Variants in PHF24 observed in about 807,000 individuals in gnomAD.
PHF24 encodes PHD finger protein 24.
In PHF24, 25 loss-of-function variants were observed where a neutral mutation model predicts 42.6. The observed-to-expected ratio is 0.59, with a 90% CI of 0.43 to 0.82. The LOEUF (loss-of-function observed/expected upper bound fraction) is 0.82, where lower values mean the gene tolerates loss of function less well. PHF24 is among the 40% of genes least tolerant of loss of function. The pLI, the probability that PHF24 is intolerant of heterozygous loss-of-function variation, is 0.00. For missense variants in PHF24, 470 were observed against 538.1 expected (o/e 0.87, Z 1.25); for synonymous variants, 185 against 204.8 (o/e 0.90, Z 0.83).
At chr9:34,982,212 T>C (rs2132954348) in exon 8 of PHF24, 2 of 152,344 alleles carry the variant, frequency 1.3e-5, no homozygotes, top group Middle Eastern at 6.8e-3. Context: ...TTCATAGCCA[T>C]GGTGACACAA....
the PHF24 span, among the ~76,000 whole-genome samples, chr9:34,761,696 A>G: frequency 6.6e-6 from 1 of 152,002 alleles, no homozygotes; most frequent in African/African-American, 2.4e-5. Context: ...TGATTTTTTT[A>G]AATTTTATTA....
the PHF24 span, among the ~76,000 whole-genome samples, chr9:34,671,459 G>A: frequency 4.6e-5 from 7 of 152,234 alleles, no homozygotes; most frequent in African/African-American, 1.7e-4. Context: ...TGCCTATGCT[G>A]CACTTGCACT....
chr9:34,827,755 C>T, the PHF24 span, among the ~76,000 whole-genome samples: 15 of 152,166 alleles, frequency 9.9e-5, no homozygotes, highest in Non-Finnish European at 5.9e-5. Context: ...CGATGTCCCT[C>T]CCATCTTCTC....
chr9:34,966,446 G>T (rs2132876476), intron 1 of PHF24, among the ~76,000 whole-genome samples: 2 of 152,012 alleles, frequency 1.3e-5, no homozygotes, highest in South Asian at 4.2e-4. Context: ...AAATTAGCAC[G>T]ACCTGTAGCC....
the PHF24 span, among the ~76,000 whole-genome samples, chr9:34,950,828 T>C: frequency 6.6e-6 from 1 of 152,088 alleles, no homozygotes; most frequent in East Asian, 1.9e-4. Context: ...AAAGGTAAAG[T>C]AGAGTTTAAC....
At chr9:34,814,671 A>G in the PHF24 span, among the ~76,000 whole-genome samples, 3 of 152,176 alleles carry the variant, frequency 2.0e-5, no homozygotes, top group Non-Finnish European at 2.9e-5. Flanking sequence ...GGAGTCTTGG[A>G]TCTTCTGCCA....
At chr9:34,815,098 C>T in the PHF24 span, among the ~76,000 whole-genome samples, 17 of 152,280 alleles carry the variant, frequency 1.1e-4, no homozygotes, top group African/African-American at 3.4e-4. Flanking sequence ...ATTTCTCAAG[C>T]ACTGCAGCTG....
the PHF24 span, among the ~76,000 whole-genome samples, chr9:34,911,847 G>A: frequency 1.3e-5 from 2 of 152,230 alleles, no homozygotes; most frequent in Non-Finnish European, 2.9e-5. Context: ...GCAGTTGGCT[G>A]TGAAGGAAAG....
At chr9:34,747,330 C>T in the PHF24 span, among the ~76,000 whole-genome samples, 8 of 152,168 alleles carry the variant, frequency 5.3e-5, no homozygotes, top group African/African-American at 1.2e-4. Flanking sequence ...GTGCACGGAT[C>T]GCTTGAGCCC....
At chr9:34,871,267 G>A in the PHF24 span, among the ~76,000 whole-genome samples, 1 of 152,136 alleles carries the variant, frequency 6.6e-6, no homozygotes, top group Non-Finnish European at 1.5e-5. Context: ...CAAGTCTTTT[G>A]CCCATTTTTA....
chr9:34,740,770 A>C, the PHF24 span, among the ~76,000 whole-genome samples: 1 of 152,248 alleles, frequency 6.6e-6, no homozygotes, highest in African/African-American at 2.4e-5. Flanking sequence ...TCATTAAATA[A>C]ATTATTATAT....
the PHF24 span, among the ~76,000 whole-genome samples, chr9:34,722,683 G>T: frequency 1.2e-4 from 18 of 152,120 alleles, no homozygotes; most frequent in African/African-American, 3.6e-4. Context: ...CCAGCTGATT[G>T]CTTCCTCCTG....
chr9:34,684,092 C>G, the PHF24 span, among the ~76,000 whole-genome samples: 1 of 152,214 alleles, frequency 6.6e-6, no homozygotes, highest in Non-Finnish European at 1.5e-5. Context: ...TGGAATCAGC[C>G]AGTGAGTTTC....
the PHF24 span, among the ~76,000 whole-genome samples, chr9:34,720,807 A>G: frequency 2.0e-5 from 3 of 152,224 alleles, no homozygotes; most frequent in African/African-American, 7.2e-5. Context: ...ACAGTGTTCC[A>G]AGAGCACCTG....
chr9:34,934,195 G>A, the PHF24 span, among the ~76,000 whole-genome samples: 1 of 152,154 alleles, frequency 6.6e-6, no homozygotes, highest in Non-Finnish European at 1.5e-5. Context: ...CACAATTTCA[G>A]TGTGTGGCCA....
chr9:34,734,438 G>T, the PHF24 span, among the ~76,000 whole-genome samples: 105 of 152,124 alleles, frequency 6.9e-4, no homozygotes, highest in Non-Finnish European at 1.4e-3. Flanking sequence ...AATATCACTC[G>T]TGGTACAGGC....
chr9:34,702,941 AT>A, the PHF24 span, among the ~76,000 whole-genome samples: 59 of 152,346 alleles, frequency 3.9e-4, no homozygotes, highest in East Asian at 0.011. Flanking sequence ...AAACAGCATT[AT>A]TTTGTCCCCA....
At chr9:34,827,551 A>T in the PHF24 span, among the ~76,000 whole-genome samples, 2 of 151,888 alleles carry the variant, frequency 1.3e-5, no homozygotes, top group African/African-American at 2.4e-5. Context: ...AAGTACTGCC[A>T]CCTCCTCCTC....
the PHF24 span, among the ~76,000 whole-genome samples, chr9:34,928,733 A>G: frequency 6.6e-6 from 1 of 152,058 alleles, no homozygotes; most frequent in Non-Finnish European, 1.5e-5. Context: ...ATGTGTTGCC[A>G]TTTTCTGCTG....
Sources: gnomAD v4.1 joint callset for allele counts (sites outside exome capture counted in the v4.1 genomes callset) on GRCh38, gnomAD v4.1.1 for gene constraint, MANE v1.5 for transcripts, NCBI Gene and HGNC (gene_info 2026-07-23, HGNC 2026-07-21) for gene names.